The following ARL15 variants were observed in gnomAD, a reference collection of about 807,000 sequenced individuals.
ARL15 encodes the protein ADP-ribosylation factor-like protein 15.
A neutral mutation model predicts 25.2 loss-of-function variants in ARL15; 19 were observed. The observed-to-expected ratio is 0.75, with a 90% CI of 0.53 to 1.10. ARL15 has a LOEUF of 1.10. ARL15 is among the 50% of genes least tolerant of loss of function. ARL15 has a pLI of 0.00. For synonymous variants in ARL15, 94 were observed against 86.8 expected (o/e 1.08, Z -0.46); for missense variants, 220 against 246.0 (o/e 0.89, Z 0.71).
At position 54,092,073 on chromosome 5, in the gene ARL15, C is replaced by CACACACACACACACACACA. The variant is rs143647206; in HGVS notation, c.462+21128_462+21129insTGTGTGTGTGTGTGTGTGT. ...ACACACACACACACACACACACACA[C>CACACACACACACACACACA]CACCACCACCACCACCATCACCAGG... On this transcript the variant is annotated intron_variant, in intron 4 of 4. Coordinates refer to ENST00000504924, the MANE Select transcript of ARL15 (RefSeq NM_019087.3). 4.0e-3 allele frequency among the ~76,000 whole-genome samples: 602 copies of CACACACACACACACACACA among 149,726 alleles called. 3 individuals carry two copies. The highest frequency in any genetic ancestry group is 0.01 in the African/African-American group (422 of 40,544).
intron 4 of ARL15, among the ~76,000 whole-genome samples, chr5:53,966,219 C>T (rs1747558644): frequency 6.6e-6 from 1 of 152,056 alleles, no homozygotes; most frequent in South Asian, 2.1e-4. Flanking sequence ...AATCATTCCT[C>T]CGTAATGAAG....
chr5:54,011,416 G>T (rs757261244), intron 4 of ARL15, among the ~76,000 whole-genome samples: 2 of 152,058 alleles, frequency 1.3e-5, no homozygotes, highest in Non-Finnish European at 2.9e-5. Context: ...GAAGAGGTTG[G>T]TTTTTTGTTG....
chr5:53,918,338 A>G lies in ARL15; in HGVS notation c.463-31625T>C, dbSNP rs1475813209. Among the ~76,000 whole-genome samples the G allele has an allele frequency of 4.6e-5, 7 of 151,952 alleles. No individual in the cohort carries two copies. The East Asian group carries it at 1.4e-3, about 29-fold the overall frequency. The stretch of plus-strand genomic sequence containing the variant: ...GTAGCTGGGACAACAAATGTGTACT[A>G]CCATGCCTGGCTAATTTTTTTTTAT... On this transcript the variant is annotated intron_variant, in intron 4 of 4. Transcript: ENST00000504924.
intron 4 of ARL15, among the ~76,000 whole-genome samples, chr5:54,064,546 T>C (rs537396089): frequency 9.2e-5 from 14 of 152,318 alleles, no homozygotes; most frequent in Admixed American, 3.3e-4. Flanking sequence ...TGCATCAGTC[T>C]TTGAGAGTAT....
intron 4 of ARL15, among the ~76,000 whole-genome samples, chr5:53,888,568 G>A (rs916472223): frequency 2.6e-5 from 4 of 152,302 alleles, no homozygotes; most frequent in Admixed American, 2.6e-4. Context: ...ACAGGCGTGA[G>A]CTACCATGCC....
chr5:53,908,229 T>C (rs1745334648), intron 4 of ARL15, among the ~76,000 whole-genome samples: 1 of 152,188 alleles, frequency 6.6e-6, no homozygotes, highest in Non-Finnish European at 1.5e-5. Flanking sequence ...AACTTTATCA[T>C]AGGCATGTAT....
intron 1 of ARL15, among the ~76,000 whole-genome samples, chr5:54,228,556 T>C (rs1756586296): frequency 6.7e-6 from 1 of 149,428 alleles, no homozygotes; most frequent in Admixed American, 6.7e-5. Flanking sequence ...AAGGTTATTC[T>C]CACCTCCCCC....
At chr5:53,902,803 G>A (rs2111945655) in intron 4 of ARL15, among the ~76,000 whole-genome samples, 1 of 152,268 alleles carries the variant, frequency 6.6e-6, no homozygotes, top group South Asian at 2.1e-4. Context: ...GCTACAGCAA[G>A]AAGCCACCAT....
At chr5:54,031,551 C>T (rs951652135) in intron 4 of ARL15, among the ~76,000 whole-genome samples, 4 of 152,256 alleles carry the variant, frequency 2.6e-5, no homozygotes, top group South Asian at 2.1e-4. Context: ...ACAGACCATG[C>T]GACCTGTTGC....
At chr5:54,237,524 T>C (rs1475812399) in intron 1 of ARL15, among the ~76,000 whole-genome samples, 1 of 152,144 alleles carries the variant, frequency 6.6e-6, no homozygotes, top group Non-Finnish European at 1.5e-5. Context: ...AAAGGGGGAA[T>C]ACATCTAAGT....
At chr5:53,924,990 T>A (rs1745971336) in intron 4 of ARL15, among the ~76,000 whole-genome samples, 2 of 152,148 alleles carry the variant, frequency 1.3e-5, no homozygotes, top group Admixed American at 6.5e-5. Context: ...CTTATAAGCG[T>A]CTTTTAGCAT....
intron 4 of ARL15, among the ~76,000 whole-genome samples, chr5:53,890,279 A>G (rs1744670699): frequency 6.6e-6 from 1 of 152,162 alleles, no homozygotes; most frequent in Non-Finnish European, 1.5e-5. Context: ...TTAACTTTGA[A>G]CAACGTAAGT....
At chr5:54,070,976 C>A (rs112733589) in intron 4 of ARL15, among the ~76,000 whole-genome samples, 2 of 152,030 alleles carry the variant, frequency 1.3e-5, no homozygotes, top group African/African-American at 4.8e-5. Flanking sequence ...CGAGACCAGC[C>A]TGGGCAACAT....
chr5:53,946,661 T>C (rs1175094473), intron 4 of ARL15, among the ~76,000 whole-genome samples: 1 of 151,938 alleles, frequency 6.6e-6, no homozygotes, highest in Non-Finnish European at 1.5e-5. Context: ...GGGATTGCAT[T>C]GGAGGTGGGA....
chr5:53,994,779 C>T (rs2111680954), intron 4 of ARL15, among the ~76,000 whole-genome samples: 1 of 152,184 alleles, frequency 6.6e-6, no homozygotes, highest in East Asian at 1.9e-4. Flanking sequence ...AAGTCCTATG[C>T]CATTAATATT....
At chr5:54,309,230 C>T (rs541772214) in intron 1 of ARL15, among the ~76,000 whole-genome samples, 1 of 152,346 alleles carries the variant, frequency 6.6e-6, no homozygotes, top group Non-Finnish European at 1.5e-5. Flanking sequence ...GATCCAGCTC[C>T]ATTCACAAGG....
chr5:54,302,880 C>T (rs1758651678), intron 1 of ARL15, among the ~76,000 whole-genome samples: 1 of 151,590 alleles, frequency 6.6e-6, no homozygotes, highest in Non-Finnish European at 1.5e-5. Context: ...CATCCAAACA[C>T]CTGGGACATT....
At chr5:54,082,783 G>A (rs1373186809) in intron 4 of ARL15, among the ~76,000 whole-genome samples, 1 of 150,788 alleles carries the variant, frequency 6.6e-6, no homozygotes, top group African/African-American at 2.4e-5. Context: ...TATTTAGAGG[G>A]GGGAAAATTA....
At chr5:53,992,605 ATTT>A (rs1748538962) in intron 4 of ARL15, among the ~76,000 whole-genome samples, 1 of 152,222 alleles carries the variant, frequency 6.6e-6, no homozygotes, top group South Asian at 2.1e-4. Context: ...AGGAAAAAAC[ATTT>A]TTATTTTCTC....
Sources: allele counts gnomAD v4.1 joint callset (sites outside exome capture counted in the v4.1 genomes callset), GRCh38; gene constraint gnomAD v4.1.1; transcripts MANE v1.5; gene names NCBI Gene and HGNC (gene_info 2026-07-23, HGNC 2026-07-21).